The following DENND2B variants were observed in gnomAD, a reference collection of about 807,000 sequenced individuals.
DENND2B encodes the protein DENN domain-containing protein 2B.
DENND2B carries 32 observed loss-of-function variants against 116.0 expected under a neutral mutation model. The ratio of observed to expected loss-of-function variants is 0.28; its 90% CI spans 0.21 to 0.37. The LOEUF is 0.37. Among genes scored for constraint, DENND2B ranks in the 10% least tolerant of loss-of-function variants. The probability of loss-of-function intolerance (pLI) is 1.00; values close to 1 mark genes in which losing one functional copy is unlikely to be tolerated. For synonymous variants in DENND2B, 588 were observed against 583.9 expected, an observed-to-expected ratio of 1.01 and a Z score of -0.10; for missense variants, 1,276 against 1,477.7, an observed-to-expected ratio of 0.86 and a Z score of 2.24.
chr11:8,899,028 C>T (rs1445987873), intron 1 of DENND2B, among the ~76,000 whole-genome samples: 1 of 151,694 alleles, frequency 6.6e-6, no homozygotes, highest in Non-Finnish European at 1.5e-5. Flanking sequence ...AATTATAAAA[C>T]AAAACAAATT....
intron 1 of DENND2B, chr11:8,771,566 A>AGAGAGAGAGAGAGAGAGAGAGAGAGAGGC (rs146752028): frequency 8.3e-6 from 1 of 120,310 alleles, no homozygotes; most frequent in Non-Finnish European, 1.8e-5. Flanking sequence ...AGAGAGAGAG[A>AGAGAGAGAGAGAGAGAGAGAGAGAGAGGC]GCCTTCTTCC....
chr11:8,769,239 C>CTT (rs35488456), intron 1 of DENND2B, among the ~76,000 whole-genome samples: 2,771 of 142,510 alleles, frequency 0.019, 89 homozygotes, highest in African/African-American at 0.064. Context: ...AAAGCAACTT[C>CTT]TTTTTTTTTT....
At chr11:8,799,356 G>A (rs982664548) in intron 1 of DENND2B, among the ~76,000 whole-genome samples, 1 of 152,152 alleles carries the variant, frequency 6.6e-6, no homozygotes, top group Admixed American at 6.6e-5. Flanking sequence ...AAAGGGATAA[G>A]TCAATCAGGA....
At chr11:8,828,985 ATG>A (rs898035881) in intron 4 of DENND2B, among the ~76,000 whole-genome samples, 8 of 141,930 alleles carry the variant, frequency 5.6e-5, no homozygotes, top group Non-Finnish European at 1.1e-4. Context: ...TGTGGTGTGC[ATG>A]TGTGTGGTGT....
chr11:8,738,408 C>T lies in DENND2B; in HGVS notation c.81-7199G>A, dbSNP rs534905621. Reference sequence around the variant, plus strand: ...ACCTCAAAACACTGGAACGTCCCAGCGCTTGGACTTCTCTAGCTACACTTA... The same window carrying T: ...ACCTCAAAACACTGGAACGTCCCAGTGCTTGGACTTCTCTAGCTACACTTA... On this transcript the variant is annotated intron_variant, in intron 2 of 19. Transcript: ENST00000313726. Among the ~76,000 whole-genome samples, 8 of 152,310 alleles carry T rather than the reference C, an allele frequency of 5.3e-5. No individual in the cohort carries two copies. In the South Asian group the frequency reaches 1.0e-3, roughly 20 times the overall value.
intron 1 of DENND2B, among the ~76,000 whole-genome samples, chr11:8,798,395 T>A (rs955050133): frequency 2.0e-5 from 3 of 152,118 alleles, no homozygotes; most frequent in Admixed American, 2.0e-4. Flanking sequence ...GGAAAGATTG[T>A]AAATTAAAAA....
intron 4 of DENND2B, among the ~76,000 whole-genome samples, chr11:8,823,404 T>C (rs993747975): frequency 6.6e-5 from 10 of 152,198 alleles, no homozygotes; most frequent in African/African-American, 2.2e-4. Flanking sequence ...CATCTGTTTT[T>C]ATCACATTTA....
At position 8,695,302 on chromosome 11, in the gene DENND2B, G is replaced by A. The variant is rs540192555; in HGVS notation, c.3379+161C>T. Reference sequence around the variant, plus strand: ...CTGTGCAAAATGCCCTTGGAATTCTGGCTGAGAACCTTCTAGTCACTATGG... The same window carrying A: ...CTGTGCAAAATGCCCTTGGAATTCTAGCTGAGAACCTTCTAGTCACTATGG... On this transcript the variant is annotated intron_variant, in intron 19 of 19. Coordinates refer to ENST00000313726, the MANE Select transcript of DENND2B (RefSeq NM_213618.2). Among the ~76,000 whole-genome samples, 203 of 152,186 alleles carry A rather than the reference G, an allele frequency of 1.3e-3. 1 individual carries two copies. The highest frequency in any genetic ancestry group is 4.7e-3 in the African/African-American group (196 of 41,498).
chr11:8,707,293 G>T lies in DENND2B; in HGVS notation c.2431-68C>A. On this transcript the variant is annotated intron_variant, in intron 12 of 19. Transcript: ENST00000313726. The surrounding 1 kb of genome is among the most constrained non-coding windows in gnomAD (Gnocchi z 4.8). ...CACTGCCCTTCCCCCTCCTGGCAGA[G>T]AAGAGGGCAGCCAAGCATCTGACCA... is the stretch of plus-strand genomic sequence containing the variant. 6.4e-7 allele frequency: 1 copy of T among 1,551,568 alleles called. No homozygotes were observed. Among genetic ancestry groups the T allele is most frequent in the South Asian group, 1.2e-5 (1 of 81,198 alleles).
intron 1 of DENND2B, among the ~76,000 whole-genome samples, chr11:8,761,406 A>G (rs533700761): frequency 3.9e-5 from 6 of 152,306 alleles, no homozygotes; most frequent in Non-Finnish European, 8.8e-5. Flanking sequence ...GGGACCAACC[A>G]CTGCCCTCTT....
chr11:8,709,954 T>C (rs772543621), intron 11 of DENND2B, among the ~76,000 whole-genome samples: 11 of 152,190 alleles, frequency 7.2e-5, no homozygotes, highest in African/African-American at 2.7e-4. Context: ...CTCATCTTTA[T>C]ATGAGCACGT....
At chr11:8,767,210 G>A (rs2055988396) in intron 1 of DENND2B, among the ~76,000 whole-genome samples, 1 of 152,198 alleles carries the variant, frequency 6.6e-6, no homozygotes, top group African/African-American at 2.4e-5. Flanking sequence ...TAAGGACAGT[G>A]ACCAGGATGG....
At chr11:8,764,942 CA>C (rs35421038) in intron 1 of DENND2B, among the ~76,000 whole-genome samples, 25,278 of 97,994 alleles carry the variant, frequency 0.26, 1,420 homozygotes, top group Non-Finnish European at 0.32. Context: ...GAGACTGTCT[CA>C]AAAAAAAAAA....
At chr11:8,887,665 A>G (rs1000489491) in intron 1 of DENND2B, among the ~76,000 whole-genome samples, 1 of 152,046 alleles carries the variant, frequency 6.6e-6, no homozygotes, top group East Asian at 1.9e-4. Flanking sequence ...TCTTTCTCAT[A>G]CTAGAAGGAT....
intron 1 of DENND2B, chr11:8,784,110 T>G (rs1021449998): frequency 6.6e-6 from 1 of 152,180 alleles, no homozygotes; most frequent in African/African-American, 2.4e-5. Context: ...AAGTCTGTCA[T>G]AAGATCAGCC....
At chr11:8,887,150 T>C (rs1378253866) in intron 1 of DENND2B, among the ~76,000 whole-genome samples, 3 of 152,224 alleles carry the variant, frequency 2.0e-5, no homozygotes, top group Non-Finnish European at 1.5e-5. Context: ...TATCTTACAA[T>C]AAATTTTCAT....
intron 3 of DENND2B, among the ~76,000 whole-genome samples, chr11:8,854,762 G>A (rs1220540895): frequency 6.6e-6 from 1 of 152,100 alleles, no homozygotes; most frequent in African/African-American, 2.4e-5. Flanking sequence ...ACCCAGGCTG[G>A]AGTGCAAAGG....
At chr11:8,699,416 T>A (rs759667244) in intron 14 of DENND2B, 26 bp from the exon 15 acceptor site, 4 of 1,569,550 alleles carry the variant, frequency 2.5e-6, no homozygotes, top group Non-Finnish European at 3.4e-6. Flanking sequence ...AGAGACAGAG[T>A]ACCTGAGCCC....
Position 8,707,919 on chromosome 11 carries a change from G to A in DENND2B, c.2353-65C>T, listed in dbSNP as rs774452739. ...AGAGAATGCATGATTACCATTTCTG[G>A]CTCCTTTTCCTTGGGAACGGAGGAG... is the stretch of plus-strand genomic sequence containing the variant. On this transcript the variant is annotated intron_variant, in intron 11 of 19. Coordinates refer to ENST00000313726, the MANE Select transcript of DENND2B (RefSeq NM_213618.2). The surrounding 1 kb of genome is among the most constrained non-coding windows in gnomAD (Gnocchi z 4.8). The A allele has an allele frequency of 2.6e-6, 4 of 1,561,916 alleles. No individual in the cohort carries two copies. Among genetic ancestry groups the A allele is most frequent in the Middle Eastern group, 1.7e-4 (1 of 6,006 alleles).
Sources: gnomAD v4.1 joint callset for allele counts (sites outside exome capture counted in the v4.1 genomes callset) on GRCh38, gnomAD v4.1.1 for gene constraint, Gnocchi (gnomAD v3.1) non-coding constraint, MANE v1.5 for transcripts, NCBI Gene and HGNC (gene_info 2026-07-23, HGNC 2026-07-21) for gene names.